The following CRTC3 variants were observed in gnomAD, a reference collection of about 807,000 sequenced individuals.
The protein encoded by CRTC3 is CREB regulated transcription coactivator 3.
Under a neutral mutation model 74.5 loss-of-function variants are expected in CRTC3, and 26 were observed. The ratio of observed to expected loss-of-function variants is 0.35; its 90% CI spans 0.26 to 0.48. The LOEUF (loss-of-function observed/expected upper bound fraction) is 0.48. Ranked by LOEUF, CRTC3 falls within the 20% of genes least tolerant of loss-of-function variation. The probability of loss-of-function intolerance (pLI) is 0.99; values close to 1 mark genes in which losing one functional copy is unlikely to be tolerated. For synonymous variants in CRTC3, 377 were observed against 325.8 expected (o/e 1.16, Z -1.69); for missense variants, 760 against 787.3 (o/e 0.97, Z 0.41).
intron 3 of CRTC3, among the ~76,000 whole-genome samples, chr15:90,601,392 C>G (rs6496702): frequency 0.66 from 100,490 of 152,070 alleles, 33,723 homozygotes; most frequent in South Asian, 0.77. Context: ...GCTCACACCT[C>G]TAATCCCAGC....
chr15:90,601,207 G>A (rs187940085), intron 3 of CRTC3, among the ~76,000 whole-genome samples: 49 of 152,286 alleles, frequency 3.2e-4, no homozygotes, highest in Non-Finnish European at 6.8e-4. Flanking sequence ...GTGTAGTGCA[G>A]CATCCCATTT....
At chr15:90,583,414 T>C (rs1255065414) in intron 2 of CRTC3, among the ~76,000 whole-genome samples, 1 of 152,190 alleles carries the variant, frequency 6.6e-6, no homozygotes, top group Non-Finnish European at 1.5e-5. Context: ...GTGCCTTCTC[T>C]GGTCTGTTCT....
chr15:90,571,241 A>G (rs1967257568), intron 2 of CRTC3, among the ~76,000 whole-genome samples: 1 of 152,152 alleles, frequency 6.6e-6, no homozygotes, highest in African/African-American at 2.4e-5. Context: ...TGACAAACCC[A>G]CAATAGAGGA....
intron 4 of CRTC3, among the ~76,000 whole-genome samples, chr15:90,603,300 G>A (rs867252481): frequency 2.0e-4 from 30 of 149,640 alleles, no homozygotes; most frequent in Admixed American, 4.0e-4. Flanking sequence ...AAAAGTAGCC[G>A]GGCGTGGTGG....
intron 3 of CRTC3, chr15:90,598,824 G>A (rs1029801819): frequency 1.5e-5 from 5 of 327,068 alleles, no homozygotes; most frequent in Non-Finnish European, 2.9e-5. Flanking sequence ...GGAAGGATGC[G>A]ATTGGCCAAG....
rs537007519 is a variant in CRTC3 at position 90,559,975 on chromosome 15, C to T, written c.231+19838C>T. Among the ~76,000 whole-genome samples the T allele has an allele frequency of 1.4e-4, 21 of 152,342 alleles. No homozygotes were observed. The East Asian group carries it at 2.9e-3, about 21-fold the overall frequency. Reference sequence around the variant, plus strand: ...TGTATTTACCGGCCATTCTGGTTTCCTCTTCTGTGAATTTCCTGTTCATAA... The same window carrying T: ...TGTATTTACCGGCCATTCTGGTTTCTTCTTCTGTGAATTTCCTGTTCATAA... On this transcript the variant is annotated intron_variant, in intron 2 of 14. Transcript: ENST00000268184.
At chr15:90,610,852 C>G (rs1213711836) in intron 6 of CRTC3, among the ~76,000 whole-genome samples, 1 of 152,122 alleles carries the variant, frequency 6.6e-6, no homozygotes, top group Non-Finnish European at 1.5e-5. Context: ...CAGTCTAGAG[C>G]TAAGGGGAGC....
intron 11 of CRTC3, among the ~76,000 whole-genome samples, chr15:90,633,477 T>G (rs1969117774): frequency 6.6e-6 from 1 of 152,230 alleles, no homozygotes; most frequent in Non-Finnish European, 1.5e-5. Flanking sequence ...TAAGTTGCAT[T>G]GAGAAATCCA....
At chr15:90,630,234 C>CT (rs921942978) in intron 11 of CRTC3, among the ~76,000 whole-genome samples, 3 of 152,170 alleles carry the variant, frequency 2.0e-5, no homozygotes, top group Admixed American at 1.3e-4. Flanking sequence ...CATTGACTCT[C>CT]TAAGTACATT....
At chr15:90,610,892 C>T (rs1361812946) in intron 6 of CRTC3, among the ~76,000 whole-genome samples, 2 of 152,136 alleles carry the variant, frequency 1.3e-5, no homozygotes, top group Non-Finnish European at 2.9e-5. Context: ...TTCTCTGCAT[C>T]CAGGGCTGTA....
chr15:90,545,519 C>T (rs1195536678), intron 2 of CRTC3, among the ~76,000 whole-genome samples: 2 of 151,268 alleles, frequency 1.3e-5, no homozygotes, highest in Non-Finnish European at 2.9e-5. Flanking sequence ...ACTGCCTGAG[C>T]CTCCTGAGTA....
chr15:90,566,797 A>G (rs1967133244), intron 2 of CRTC3, among the ~76,000 whole-genome samples: 1 of 146,784 alleles, frequency 6.8e-6, no homozygotes. Flanking sequence ...TGCAACATCC[A>G]CCTCCCAAGT....
rs1567197792 is a variant in CRTC3, at chr15:90,638,556, G to A, written c.1377G>A (p.Leu459=). 1.2e-6 allele frequency: 2 copies of A among 1,613,154 alleles called. No homozygotes were observed. The highest frequency in any genetic ancestry group is 2.2e-5 in the South Asian group (2 of 91,082). The part of the protein sequence containing the change: ...PAPQELTQPL[L]QQPRAPEAPA... ...CCCAGGAGCTCACCCAGCCCCTCCT[G>A]CAGCAGCCCCGCGCCCCTGAGGCCC... The change falls in exon 12 of 15, where the codon CTG becomes CTA. Residue 459 remains leucine (L), a synonymous_variant. Transcript: ENST00000268184.
chr15:90,551,134 A>G lies in CRTC3; in HGVS notation c.231+10997A>G, dbSNP rs146674413. Among the ~76,000 whole-genome samples, 137 of 152,312 alleles carry G rather than the reference A, an allele frequency of 9.0e-4. 1 individual carries two copies. Among genetic ancestry groups the G allele is most frequent in the African/African-American group, 3.3e-3 (136 of 41,566 alleles). Reference sequence around the variant, plus strand: ...GACTGAGTCTCCTTAGGTAAATCACAGAATTCTCTGACTCATCTAGAAGTG... The same window carrying G: ...GACTGAGTCTCCTTAGGTAAATCACGGAATTCTCTGACTCATCTAGAAGTG... On this transcript the variant is annotated intron_variant, in intron 2 of 14. Coordinates refer to ENST00000268184, the MANE Select transcript of CRTC3 (RefSeq NM_022769.5).
intron 4 of CRTC3, chr15:90,604,087 C>T: frequency 4.0e-6 from 1 of 247,028 alleles, no homozygotes; most frequent in Non-Finnish European, 7.9e-6. Flanking sequence ...CCAAGATTGC[C>T]ACGGCGCCCC....
intron 2 of CRTC3, among the ~76,000 whole-genome samples, chr15:90,590,320 G>T (rs1266255032): frequency 1.3e-5 from 2 of 151,712 alleles, no homozygotes; most frequent in Non-Finnish European, 2.9e-5. Context: ...ATAAATAAAA[G>T]AAAATACTGT....
At chr15:90,552,638 A>G (rs575913356) in intron 2 of CRTC3, among the ~76,000 whole-genome samples, 3 of 152,266 alleles carry the variant, frequency 2.0e-5, no homozygotes, top group Non-Finnish European at 2.9e-5. Context: ...CTTTTAATCT[A>G]TGATTTGGGC....
At position 90,552,016 on chromosome 15, in the gene CRTC3, G is replaced by A. The variant is rs563734375; in HGVS notation, c.231+11879G>A. On this transcript the variant is annotated intron_variant, in intron 2 of 14. Transcript: ENST00000268184. ...TGACCCTGTGAAGGTGTTGGGTGTCGTGGTCTCCTGCTCCGTCCCTACTCC... is the reference window on the plus strand; with the variant it reads ...TGACCCTGTGAAGGTGTTGGGTGTCATGGTCTCCTGCTCCGTCCCTACTCC... Among the ~76,000 whole-genome samples the A allele has an allele frequency of 2.6e-5, 4 of 152,040 alleles. No individual in the cohort carries two copies. The South Asian group carries it at 8.3e-4, about 32-fold the overall frequency.
rs1184409863 is a variant in CRTC3, at chr15:90,595,348, A to T, written c.351+1593A>T. The T allele has an allele frequency of 2.0e-5, 3 of 152,170 alleles. No individual in the cohort carries two copies. The East Asian group carries it at 5.8e-4, about 29-fold the overall frequency. 9.4% of individuals were successfully genotyped at this position (152,170 alleles called of 1,614,324 possible). A position where few individuals can be genotyped will look rare whatever the true frequency, so the allele number is the denominator to read the frequency against. ...AGCACTTTGGGAGGCCGAGGTGGGC[A>T]GATCACGAGGTCAGGAGATTGAGAC... is the stretch of plus-strand genomic sequence containing the variant. On this transcript the variant is annotated intron_variant, in intron 3 of 14. Transcript: ENST00000268184.
Sources: gnomAD v4.1 joint callset for allele counts (sites outside exome capture counted in the v4.1 genomes callset) on GRCh38, gnomAD v4.1.1 for gene constraint, MANE v1.5 for transcripts, NCBI Gene and HGNC (gene_info 2026-07-23, HGNC 2026-07-21) for gene names.